The following RASA3 variants were observed in gnomAD, a reference collection of about 807,000 sequenced individuals.
The protein encoded by RASA3 is RAS p21 protein activator 3.
A neutral mutation model predicts 110.0 loss-of-function variants in RASA3; 73 were observed. That is an observed-to-expected ratio of 0.66 (90% CI 0.55 to 0.81). The LOEUF (loss-of-function observed/expected upper bound fraction) is 0.81. Ranked by LOEUF, RASA3 falls within the 30% of genes least tolerant of loss-of-function variation. RASA3 has a pLI of 0.00. For missense variants in RASA3, 976 were observed against 1,113.2 expected, an observed-to-expected ratio of 0.88 and a Z score of 1.75; for synonymous variants, 500 against 451.4, an observed-to-expected ratio of 1.11 and a Z score of -1.37.
chr13:114,105,052 A>C (rs1594461341), intron 1 of RASA3, among the ~76,000 whole-genome samples: 1 of 151,158 alleles, frequency 6.6e-6, no homozygotes, highest in African/African-American at 2.4e-5. Context: ...CAATTGGCGC[A>C]CCCTCCTCCA....
chr13:114,018,317 C>A, intron 10 of RASA3, 65 bp from the exon 11 acceptor site: 1 of 1,490,866 alleles, frequency 6.7e-7, no homozygotes, highest in South Asian at 1.3e-5. Flanking sequence ...CCTGTCCCCA[C>A]CTTGGCTGGG....
intron 8 of RASA3, among the ~76,000 whole-genome samples, chr13:114,024,042 G>A (rs540152506): frequency 1.8e-4 from 27 of 152,338 alleles, no homozygotes; most frequent in African/African-American, 5.1e-4. Context: ...GAAGCCTTAC[G>A]GCCAGAGGGA....
chr13:114,117,870 T>C (rs1463122872), intron 1 of RASA3, among the ~76,000 whole-genome samples: 2 of 112,650 alleles, frequency 1.8e-5, no homozygotes, highest in Admixed American at 8.9e-5. Context: ...CATCTGTGGG[T>C]GAGCACGTGT....
chr13:114,036,687 G>A (rs1233031086), intron 4 of RASA3, among the ~76,000 whole-genome samples: 1 of 152,166 alleles, frequency 6.6e-6, no homozygotes, highest in African/African-American at 2.4e-5. Context: ...ACAGGCATGC[G>A]CCACCACGCC....
intron 4 of RASA3, 52 bp from the exon 5 acceptor site, chr13:114,029,939 C>T (rs1438866333): frequency 6.7e-7 from 1 of 1,495,620 alleles, no homozygotes; most frequent in South Asian, 1.2e-5. Flanking sequence ...CTCCCACAGG[C>T]CACTAGGGCC....
chr13:114,013,798 C>T (rs1388051276), intron 14 of RASA3, among the ~76,000 whole-genome samples: 2 of 148,350 alleles, frequency 1.3e-5, no homozygotes, highest in Non-Finnish European at 3.0e-5. Flanking sequence ...CTCTCCCTAA[C>T]TCCATCTCTC....
rs1235602291 is a variant in RASA3, at chr13:114,056,957, G to T, written c.174-4802C>A. Among the ~76,000 whole-genome samples the T allele has an allele frequency of 6.6e-6, 1 of 152,068 alleles. No homozygotes were observed. Among genetic ancestry groups the T allele is most frequent in the African/African-American group, 2.4e-5 (1 of 41,424 alleles). On this transcript the variant is annotated intron_variant, in intron 2 of 23. Transcript: ENST00000334062. The surrounding 1 kb of genome is among the most constrained non-coding windows in gnomAD (Gnocchi z 5.7). The stretch of plus-strand genomic sequence containing the variant: ...GCAGCAGGGGAGGCAGCGCTTTGGG[G>T]CCCTCTGTCAGGCTGCCCCCCCTGC...
At chr13:114,027,962 G>A in intron 5 of RASA3, 35 bp from the exon 6 acceptor site, 10 of 1,569,852 alleles carry the variant, frequency 6.4e-6, no homozygotes, top group Non-Finnish European at 8.8e-6. Flanking sequence ...TCAGGAGGGA[G>A]CGCAGACACC....
intron 17 of RASA3, 128 bp downstream of exon 17, chr13:114,009,259 G>C: frequency 5.3e-6 from 4 of 749,698 alleles, no homozygotes; most frequent in Non-Finnish European, 4.6e-6. Context: ...TGAATGCACC[G>C]AACGCCTTTA....
chr13:113,982,403 G>A (rs958717190), intron 22 of RASA3, among the ~76,000 whole-genome samples: 5 of 152,224 alleles, frequency 3.3e-5, no homozygotes, highest in African/African-American at 7.2e-5. Context: ...AGTCTGTGCC[G>A]CAGCTTCTAA....
rs2079431434 is a variant in RASA3, at chr13:114,065,505, C to T, written c.173+8215G>A. 6.6e-6 allele frequency among the ~76,000 whole-genome samples: 1 copy of T among 152,192 alleles called. No homozygotes were observed. On this transcript the variant is annotated intron_variant, in intron 2 of 23. Transcript: ENST00000334062. This position sits in a 1 kb window ranked among gnomAD's most constrained non-coding sequence, Gnocchi z 4.1. ...TCTGCGGTCCTGAGTCACTGCCTGA[C>T]TCATCCTCAGAGGCGCCCCACAGAG...
rs991262913 is a variant in RASA3 at position 114,115,233 on chromosome 13, G to T, written c.55+17202C>A. The stretch of plus-strand genomic sequence containing the variant: ...TTATGTCCAGCGGTAACATGTTTAC[G>T]GTCCCTGTGCCGCCGTGCGGTAGCA... On this transcript the variant is annotated intron_variant, in intron 1 of 23. Coordinates refer to ENST00000334062, the MANE Select transcript of RASA3 (RefSeq NM_007368.4). The surrounding 1 kb of genome is among the most constrained non-coding windows in gnomAD (Gnocchi z 5.0). Among the ~76,000 whole-genome samples the T allele has an allele frequency of 6.6e-6, 1 of 152,190 alleles. No homozygotes were observed. Among genetic ancestry groups the T allele is most frequent in the African/African-American group, 2.4e-5 (1 of 41,438 alleles).
chr13:114,000,756 A>G, intron 19 of RASA3, 70 bp downstream of exon 19: 1 of 1,196,092 alleles, frequency 8.4e-7, no homozygotes, highest in Non-Finnish European at 1.2e-6. Context: ...TCTCCCCCTG[A>G]AAAAGCAGAC....
intron 1 of RASA3, among the ~76,000 whole-genome samples, chr13:114,097,485 G>C (rs1471047076): frequency 3.3e-5 from 5 of 152,238 alleles, no homozygotes; most frequent in Admixed American, 1.3e-4. Context: ...GAGGCAGGCA[G>C]CAAATAGATG....
intron 1 of RASA3, among the ~76,000 whole-genome samples, chr13:114,091,900 T>C (rs1165652171): frequency 6.6e-6 from 1 of 152,190 alleles, no homozygotes; most frequent in Admixed American, 6.5e-5. Flanking sequence ...TGGCCCCACC[T>C]TGGTAGGTTG....
rs527264728 is a variant in RASA3 at position 114,053,004 on chromosome 13, G to A, written c.174-849C>T. ...GTGCGTAGAGTCCTCGCTCCTGGGG[G>A]AGAGACCCCCGCTGCTGACTGTGCT... On this transcript the variant is annotated intron_variant, in intron 2 of 23. Coordinates refer to ENST00000334062, the MANE Select transcript of RASA3 (RefSeq NM_007368.4). Among the ~76,000 whole-genome samples, 38 of 134,564 alleles carry A rather than the reference G, an allele frequency of 2.8e-4. 2 individuals are homozygous for A. The highest frequency in any genetic ancestry group is 9.6e-4 in the African/African-American group (31 of 32,432). The allele number at this position is 134,564 out of a possible 152,430, so 88.3% of individuals were successfully genotyped here. A position where few individuals can be genotyped will look rare whatever the true frequency, so the allele number is the denominator to read the frequency against.
Position 113,999,654 on chromosome 13 carries a change from G to A in RASA3, c.1863C>T (p.Leu621=), listed in dbSNP as rs142224874. 9.9e-6 allele frequency: 16 copies of A among 1,613,074 alleles called. No individual in the cohort carries two copies. Among genetic ancestry groups the A allele is most frequent in the Non-Finnish European group, 1.3e-5 (15 of 1,179,750 alleles). ...TYHKSKGDQP[L]YSIPIENILA... is the part of the protein sequence containing the mutation. ...GGATGTTCTCGATGGGAATGCTGTAGAGAGGCTGGTCCCCTGCAGCAGAGA... is the reference window on the plus strand; with the variant it reads ...GGATGTTCTCGATGGGAATGCTGTAAAGAGGCTGGTCCCCTGCAGCAGAGA... Residue 621 remains leucine, a synonymous_variant, in exon 20 of 24, where the codon CTC becomes CTT. Transcript: ENST00000334062.
rs1392497132 is a variant in RASA3, at chr13:114,011,126, G to C, written c.1590+45C>G. ...ACGTGTATTTTCTGAAGAGAGAAAA[G>C]AATCAGTTGTCCCTAAAAAGAGAAA... is the stretch of plus-strand genomic sequence containing the variant. On this transcript the variant is annotated intron_variant, in intron 16 of 23. Transcript: ENST00000334062. This position sits in a 1 kb window ranked among gnomAD's most constrained non-coding sequence, Gnocchi z 4.8. The C allele has an allele frequency of 3.3e-6, 5 of 1,497,648 alleles. No individual in the cohort carries two copies. Among genetic ancestry groups the C allele is most frequent in the African/African-American group, 1.4e-5 (1 of 72,518 alleles). 92.8% of individuals were successfully genotyped at this position (1,497,648 alleles called of 1,614,324 possible). A position where few individuals can be genotyped will look rare whatever the true frequency, so the allele number is the denominator to read the frequency against.
intron 22 of RASA3, among the ~76,000 whole-genome samples, chr13:113,988,990 C>T (rs1204663582): frequency 6.7e-6 from 1 of 148,788 alleles, no homozygotes; most frequent in African/African-American, 2.5e-5. Flanking sequence ...ACCCATCACT[C>T]ACCCATCGGC....
Sources: gnomAD v4.1 joint callset for allele counts (sites outside exome capture counted in the v4.1 genomes callset) on GRCh38, gnomAD v4.1.1 for gene constraint, Gnocchi (gnomAD v3.1) non-coding constraint, MANE v1.5 for transcripts, NCBI Gene and HGNC (gene_info 2026-07-23, HGNC 2026-07-21) for gene names.